RABGAP1L: variants seen among roughly 807,000 people sequenced by gnomAD.
The protein encoded by RABGAP1L is RAB GTPase activating protein 1 like.
A neutral mutation model predicts 137.7 loss-of-function variants in RABGAP1L; 63 were observed. The observed-to-expected ratio is 0.46, with a 90% confidence interval of 0.37 to 0.56. The LOEUF is 0.56. Among genes scored for constraint, RABGAP1L ranks in the 20% least tolerant of loss-of-function variants. RABGAP1L has a pLI of 0.00. For synonymous variants in RABGAP1L, 431 were observed against 433.7 expected (o/e 0.99, Z 0.08); for missense variants, 1,095 against 1,244.0 (o/e 0.88, Z 1.80).
chr1:174,649,275 A>G (rs1311939834), intron 14 of RABGAP1L, among the ~76,000 whole-genome samples: 3 of 151,928 alleles, frequency 2.0e-5, no homozygotes, highest in African/African-American at 7.3e-5. Context: ...CCCATTAGTT[A>G]ATGCAGCATT....
chr1:174,767,297 A>G (rs1685746635), intron 18 of RABGAP1L, among the ~76,000 whole-genome samples: 1 of 152,170 alleles, frequency 6.6e-6, no homozygotes, highest in Non-Finnish European at 1.5e-5. Flanking sequence ...CGACATTAAC[A>G]ATATTGAGAC....
intron 13 of RABGAP1L, among the ~76,000 whole-genome samples, chr1:174,578,616 T>TTC (rs1198860077): frequency 7.9e-5 from 12 of 152,136 alleles, no homozygotes; most frequent in Non-Finnish European, 1.5e-4. Context: ...AGGCAACACA[T>TTC]TTGTGAAGAG....
intron 17 of RABGAP1L, among the ~76,000 whole-genome samples, chr1:174,713,492 T>A (rs1444736694): frequency 2.6e-5 from 4 of 152,146 alleles, no homozygotes; most frequent in Non-Finnish European, 5.9e-5. Flanking sequence ...CCCTTGGCAA[T>A]GAGTGAGTTC....
chr1:174,923,009 A>G (rs1270034499), intron 19 of RABGAP1L, among the ~76,000 whole-genome samples: 1 of 152,124 alleles, frequency 6.6e-6, no homozygotes, highest in Non-Finnish European at 1.5e-5. Context: ...CCTTGTCTCT[A>G]CAGAAATATC....
chr1:174,752,447 C>T, intron 18 of RABGAP1L, 93 bp downstream of exon 18: 1 of 909,192 alleles, frequency 1.1e-6, no homozygotes, highest in Non-Finnish European at 1.6e-6. Context: ...TGACTCATTT[C>T]AGTTTCTCAG....
At chr1:174,382,418 C>G (rs1225016671) in intron 12 of RABGAP1L, among the ~76,000 whole-genome samples, 10 of 48,234 alleles carry the variant, frequency 2.1e-4, no homozygotes, top group South Asian at 1.7e-3. Flanking sequence ...CCATCACTTT[C>G]AGGTACACCA....
chr1:174,911,620 C>T (rs1340517054), intron 19 of RABGAP1L, among the ~76,000 whole-genome samples: 1 of 152,130 alleles, frequency 6.6e-6, no homozygotes, highest in Non-Finnish European at 1.5e-5. Context: ...TTCAAATACT[C>T]GTATATGTAA....
intron 11 of RABGAP1L, among the ~76,000 whole-genome samples, chr1:174,369,907 A>AT (rs1684963721): frequency 1.3e-5 from 2 of 152,180 alleles, no homozygotes. Flanking sequence ...ATGTGGACAT[A>AT]TTTTGGTTAT....
chr1:174,408,736 T>C (rs1285014621), intron 13 of RABGAP1L, among the ~76,000 whole-genome samples: 3 of 152,126 alleles, frequency 2.0e-5, no homozygotes, highest in Non-Finnish European at 4.4e-5. Context: ...GTTGTTTTTT[T>C]TTGACTTTTT....
At chr1:174,500,066 G>C (rs1346114059) in intron 13 of RABGAP1L, among the ~76,000 whole-genome samples, 2 of 150,796 alleles carry the variant, frequency 1.3e-5, no homozygotes, top group Non-Finnish European at 3.0e-5. Context: ...TAAATTACTT[G>C]TGGCAGGCTT....
intron 20 of RABGAP1L, chr1:174,957,936 A>G: frequency 6.3e-7 from 1 of 1,578,392 alleles, no homozygotes; most frequent in Non-Finnish European, 8.6e-7. Flanking sequence ...TATACTGGGA[A>G]TCTTCATAAG....
intron 13 of RABGAP1L, among the ~76,000 whole-genome samples, chr1:174,542,344 T>A (rs865806753): frequency 2.0e-5 from 3 of 152,226 alleles, no homozygotes; most frequent in Admixed American, 2.0e-4. Context: ...GTCGAGGAAT[T>A]TATCCATTTC....
chr1:174,717,985 C>T (rs961809064), intron 17 of RABGAP1L, among the ~76,000 whole-genome samples: 2 of 152,300 alleles, frequency 1.3e-5, no homozygotes, highest in Middle Eastern at 3.4e-3. Flanking sequence ...GGGTGGGCTT[C>T]CTCTGTCTGC....
intron 10 of RABGAP1L, among the ~76,000 whole-genome samples, chr1:174,292,022 A>T (rs1449233749): frequency 1.9e-4 from 18 of 93,130 alleles, no homozygotes; most frequent in African/African-American, 4.4e-4. Flanking sequence ...TAGATCATTT[A>T]TTATTATTAT....
At chr1:174,381,232 G>T (rs1294065923) in intron 12 of RABGAP1L, among the ~76,000 whole-genome samples, 3 of 146,726 alleles carry the variant, frequency 2.0e-5, no homozygotes, top group Non-Finnish European at 3.0e-5. Context: ...TTTGGAATAG[G>T]TGTGGTGTGG....
intron 9 of RABGAP1L, among the ~76,000 whole-genome samples, chr1:174,277,634 CT>C (rs1267706335): frequency 6.6e-6 from 1 of 151,710 alleles, no homozygotes; most frequent in Non-Finnish European, 1.5e-5. Flanking sequence ...AAATTATGTC[CT>C]TGAAATTACA....
chr1:174,921,898 C>T (rs1248866112), intron 19 of RABGAP1L, among the ~76,000 whole-genome samples: 3 of 152,164 alleles, frequency 2.0e-5, no homozygotes, highest in Non-Finnish European at 2.9e-5. Context: ...GCACTAAATG[C>T]TATTAAACTG....
chr1:174,776,931 T>C (rs1686571676), intron 18 of RABGAP1L, among the ~76,000 whole-genome samples: 3 of 152,208 alleles, frequency 2.0e-5, no homozygotes, highest in Admixed American at 1.3e-4. Flanking sequence ...TCAGTTTAGA[T>C]TGTAGACCAT....
chr1:174,961,316 T>C (rs146574091), intron 20 of RABGAP1L, among the ~76,000 whole-genome samples: 2,148 of 152,340 alleles, frequency 0.014, 31 homozygotes, highest in South Asian at 0.025. Flanking sequence ...TGTTTTAGTA[T>C]ATTTTAGAAA....
Sources: allele counts gnomAD v4.1 joint callset (sites outside exome capture counted in the v4.1 genomes callset), GRCh38; gene constraint gnomAD v4.1.1; transcripts MANE v1.5; gene names NCBI Gene and HGNC (gene_info 2026-07-23, HGNC 2026-07-21).